Variants in WSCD2 observed in about 807,000 individuals in gnomAD.
WSCD2 encodes the protein sialate:O-sulfotransferase 2.
A neutral mutation model predicts 55.7 loss-of-function variants in WSCD2; 28 were observed. That is an observed-to-expected ratio of 0.50 (90% CI 0.37 to 0.69). The LOEUF (loss-of-function observed/expected upper bound fraction) is 0.69, where lower values mean the gene tolerates loss of function less well. WSCD2 is among the 30% of genes least tolerant of loss of function. WSCD2 has a pLI of 0.00. For missense variants in WSCD2, 616 were observed against 762.1 expected (o/e 0.81, Z 2.26); for synonymous variants, 301 against 301.9 (o/e 1.00, Z 0.03).
chr12:108,212,106 C>T (rs117554510), intron 4 of WSCD2, among the ~76,000 whole-genome samples: 18 of 152,078 alleles, frequency 1.2e-4, no homozygotes, highest in South Asian at 4.1e-4. Flanking sequence ...GTATGAAGCC[C>T]TAGGAGGGCA....
intron 1 of WSCD2, among the ~76,000 whole-genome samples, chr12:108,134,070 G>A (rs1015239620): frequency 2.6e-5 from 4 of 152,204 alleles, no homozygotes. Context: ...CGGACTGCAA[G>A]TGTTGCTGCT....
At chr12:108,190,837 G>A (rs1883071343) in intron 1 of WSCD2, among the ~76,000 whole-genome samples, 2 of 152,264 alleles carry the variant, frequency 1.3e-5, no homozygotes, top group South Asian at 4.1e-4. Flanking sequence ...AACAGATGGG[G>A]AAACTGAGGC....
At chr12:108,139,388 A>T (rs1876549355) in intron 1 of WSCD2, among the ~76,000 whole-genome samples, 1 of 152,148 alleles carries the variant, frequency 6.6e-6, no homozygotes, top group Non-Finnish European at 1.5e-5. Context: ...TGAACTGGGG[A>T]CTTGGAACAG....
intron 8 of WSCD2, 119 bp from the exon 9 acceptor site, chr12:108,247,872 A>G: frequency 8.8e-7 from 1 of 1,140,188 alleles, no homozygotes; most frequent in Non-Finnish European, 1.2e-6. Flanking sequence ...TATTACAGTT[A>G]ATTGTTAATT....
intron 8 of WSCD2, among the ~76,000 whole-genome samples, chr12:108,246,444 C>T (rs867691640): frequency 9.9e-5 from 15 of 152,168 alleles, no homozygotes; most frequent in Non-Finnish European, 1.8e-4. Flanking sequence ...TTTGGAGCTC[C>T]TGCCCTCTGA....
chr12:108,194,739 T>C (rs538604339), intron 1 of WSCD2, among the ~76,000 whole-genome samples: 7 of 152,204 alleles, frequency 4.6e-5, no homozygotes, highest in African/African-American at 7.2e-5. Flanking sequence ...CCCACTAGAA[T>C]GTGAGCTCTA....
chr12:108,175,246 A>C (rs1424064754), intron 1 of WSCD2, among the ~76,000 whole-genome samples: 1 of 152,186 alleles, frequency 6.6e-6, no homozygotes, highest in Non-Finnish European at 1.5e-5. Context: ...TCCCCTCATC[A>C]AAGAAGCACC....
At chr12:108,172,770 G>A (rs914648286) in intron 1 of WSCD2, among the ~76,000 whole-genome samples, 1 of 152,182 alleles carries the variant, frequency 6.6e-6, no homozygotes, top group East Asian at 1.9e-4. Context: ...GGCCCACAGA[G>A]CTGTGAGAGA....
intron 1 of WSCD2, among the ~76,000 whole-genome samples, chr12:108,164,139 C>CTTTTTTTTTTTTTTTTTTTT (rs1555224800): frequency 4.7e-5 from 4 of 85,296 alleles, no homozygotes; most frequent in African/African-American, 9.5e-5. Context: ...ATCTTAAATC[C>CTTTTTTTTTTTTTTTTTTTT]TTTTTTTTTT....
At chr12:108,144,092 C>T (rs185769743) in intron 1 of WSCD2, among the ~76,000 whole-genome samples, 20 of 151,922 alleles carry the variant, frequency 1.3e-4, no homozygotes, top group Admixed American at 3.3e-4. Context: ...TCCACTAATT[C>T]GGGCAATTTT....
intron 7 of WSCD2, 33 bp downstream of exon 7, chr12:108,232,928 G>T (rs375025598): frequency 6.2e-7 from 1 of 1,600,236 alleles, no homozygotes; most frequent in Non-Finnish European, 8.5e-7. Flanking sequence ...AGGGCAAGAG[G>T]TTCCCTGGGC....
intron 1 of WSCD2, among the ~76,000 whole-genome samples, chr12:108,191,879 G>A (rs1019988728): frequency 9.9e-5 from 15 of 152,094 alleles, no homozygotes; most frequent in African/African-American, 2.9e-4. Flanking sequence ...ACATCCCTCC[G>A]GCAGATCTCC....
At position 108,170,283 on chromosome 12, in the gene WSCD2, G is replaced by C. The variant is rs181039868; in HGVS notation, c.-551-24999G>C. 1.0e-3 allele frequency among the ~76,000 whole-genome samples: 158 copies of C among 152,214 alleles called. 2 individuals are homozygous for C. The highest frequency in any genetic ancestry group is 1.5e-4 in the Non-Finnish European group (10 of 68,024). Reference sequence around the variant, plus strand: ...CTTAATGCAGGTCCAGCACTATGCAGTGTAGTCACTACACACACACACAGA... The same window carrying C: ...CTTAATGCAGGTCCAGCACTATGCACTGTAGTCACTACACACACACACAGA... On this transcript the variant is annotated intron_variant, in intron 1 of 8. Coordinates refer to ENST00000547525, the MANE Select transcript of WSCD2 (RefSeq NM_014653.4).
At chr12:108,193,017 T>C (rs909675338) in intron 1 of WSCD2, among the ~76,000 whole-genome samples, 2 of 152,090 alleles carry the variant, frequency 1.3e-5, no homozygotes, top group African/African-American at 2.4e-5. Flanking sequence ...CGGTTAGGAA[T>C]ATAGGCTTTG....
At chr12:108,227,830 T>C (rs969325605) in intron 6 of WSCD2, among the ~76,000 whole-genome samples, 2 of 152,068 alleles carry the variant, frequency 1.3e-5, no homozygotes, top group Non-Finnish European at 2.9e-5. Context: ...ATGGTGATGA[T>C]AGTGATAAGA....
At chr12:108,181,335 A>G (rs1881729004) in intron 1 of WSCD2, among the ~76,000 whole-genome samples, 1 of 152,138 alleles carries the variant, frequency 6.6e-6, no homozygotes, top group South Asian at 2.1e-4. Flanking sequence ...AGACATCATG[A>G]CAGCAAAGAC....
chr12:108,142,689 T>G (rs867440844), intron 1 of WSCD2, among the ~76,000 whole-genome samples: 17 of 152,230 alleles, frequency 1.1e-4, no homozygotes, highest in African/African-American at 3.9e-4. Flanking sequence ...ATTTATTGGC[T>G]TATAAAACTA....
intron 1 of WSCD2, among the ~76,000 whole-genome samples, chr12:108,169,004 T>C (rs2136962386): frequency 6.6e-6 from 1 of 152,308 alleles, no homozygotes. Flanking sequence ...CTCACATTAC[T>C]GCCTGAGCTC....
At chr12:108,179,799 TCA>T (rs2136995655) in intron 1 of WSCD2, among the ~76,000 whole-genome samples, 1 of 152,346 alleles carries the variant, frequency 6.6e-6, no homozygotes, top group South Asian at 2.1e-4. Context: ...TATCTGAGCC[TCA>T]GTTTCTCATT....
Sources: gnomAD v4.1 joint callset for allele counts (sites outside exome capture counted in the v4.1 genomes callset) on GRCh38, gnomAD v4.1.1 for gene constraint, MANE v1.5 for transcripts, NCBI Gene and HGNC (gene_info 2026-07-23, HGNC 2026-07-21) for gene names.